AGO3: variants seen among roughly 807,000 people sequenced by gnomAD.
AGO3 encodes protein argonaute-3.
Under a neutral mutation model 105.5 loss-of-function variants are expected in AGO3, and 16 were observed. That is an observed-to-expected ratio of 0.15 (90% CI 0.10 to 0.23). The LOEUF (loss-of-function observed/expected upper bound fraction) is 0.23. Ranked by LOEUF, AGO3 falls within the 10% of genes least tolerant of loss-of-function variation. The probability of loss-of-function intolerance (pLI) is 1.00; values close to 1 mark genes in which losing one functional copy is unlikely to be tolerated. For synonymous variants in AGO3, 340 were observed against 367.3 expected (o/e 0.93, Z 0.85); for missense variants, 534 against 1,088.0 (o/e 0.49, Z 7.16).
chr1:36,036,167 T>A lies in AGO3; in HGVS notation c.1752-10T>A. On this transcript the variant is annotated splice_polypyrimidine_tract_variant and intron_variant, in intron 13 of 18. Coordinates refer to ENST00000373191, the MANE Select transcript of AGO3 (RefSeq NM_024852.4). ...TGAAATATCTAACCCTTTTTCAAAA[T>A]GTGTTTAAGACCTTCTGTGTTCCAG... 6.2e-7 allele frequency: 1 copy of A among 1,612,932 alleles called. No individual in the cohort carries two copies. Among genetic ancestry groups the A allele is most frequent in the Non-Finnish European group, 8.5e-7 (1 of 1,179,054 alleles).
chr1:36,015,751 A>G (rs976937746), intron 11 of AGO3, among the ~76,000 whole-genome samples: 3 of 152,250 alleles, frequency 2.0e-5, no homozygotes, highest in African/African-American at 4.8e-5. Context: ...CAGTTTAGGT[A>G]TAATTCCCAG....
rs1643089231 is a variant in AGO3, at chr1:36,066,178, G to A, written c.*10433G>A. The A allele has an allele frequency of 6.6e-6, 1 of 152,192 alleles. No homozygotes were observed. Among genetic ancestry groups the A allele is most frequent in the Non-Finnish European group, 1.5e-5 (1 of 68,050 alleles). 9.4% of individuals were successfully genotyped at this position (152,192 alleles called of 1,614,324 possible). On this transcript the variant is annotated 3_prime_UTR_variant, in exon 19 of 19. Coordinates refer to ENST00000373191, the MANE Select transcript of AGO3 (RefSeq NM_024852.4). Reference sequence around the variant, plus strand: ...TAAATTTTATTCTTTCCAAAAATTGGCGGTATGCTATCTATAATTTTATGT... The same window carrying A: ...TAAATTTTATTCTTTCCAAAAATTGACGGTATGCTATCTATAATTTTATGT...
At chr1:36,033,772 G>T (rs1310578389) in intron 12 of AGO3, among the ~76,000 whole-genome samples, 2 of 152,120 alleles carry the variant, frequency 1.3e-5, no homozygotes, top group African/African-American at 4.8e-5. Context: ...AAAGATAAGA[G>T]AATAGGATTG....
intron 2 of AGO3, among the ~76,000 whole-genome samples, chr1:35,950,052 C>G (rs950007500): frequency 3.3e-5 from 5 of 152,128 alleles, no homozygotes; most frequent in Non-Finnish European, 7.4e-5. Context: ...GAAACCCCGT[C>G]TCTACTAAAA....
intron 1 of AGO3, among the ~76,000 whole-genome samples, chr1:35,943,947 A>G (rs981876137): frequency 1.3e-5 from 2 of 152,110 alleles, no homozygotes; most frequent in Non-Finnish European, 2.9e-5. Context: ...ATCATGTTTT[A>G]GTGTGTGTCA....
chr1:35,979,921 T>C (rs1420791623), intron 5 of AGO3, among the ~76,000 whole-genome samples: 4 of 152,190 alleles, frequency 2.6e-5, no homozygotes, highest in Non-Finnish European at 5.9e-5. Flanking sequence ...CAGATATAGA[T>C]AGGAAGGACA....
intron 3 of AGO3, among the ~76,000 whole-genome samples, chr1:35,971,253 G>A (rs1221064962): frequency 6.7e-6 from 1 of 150,026 alleles, no homozygotes; most frequent in Non-Finnish European, 1.5e-5. Flanking sequence ...TCTGCCTCCT[G>A]AGTTCAAATG....
chr1:35,982,708 T>G (rs1192637820), intron 5 of AGO3: 1 of 715,404 alleles, frequency 1.4e-6, no homozygotes, highest in Non-Finnish European at 2.6e-6. Context: ...CAATCACTAG[T>G]TCAGGTAAGA....
At chr1:35,978,434 C>G (rs1211061141) in intron 5 of AGO3, among the ~76,000 whole-genome samples, 1 of 152,124 alleles carries the variant, frequency 6.6e-6, no homozygotes, top group Non-Finnish European at 1.5e-5. Context: ...TCAGGTGATC[C>G]GCCTCCCTCC....
At chr1:35,935,269 CTT>C (rs961959848) in intron 1 of AGO3, among the ~76,000 whole-genome samples, 4 of 152,098 alleles carry the variant, frequency 2.6e-5, no homozygotes, top group African/African-American at 9.7e-5. Context: ...TAAAAAAAGA[CTT>C]AAGGGAAAAG....
chr1:35,975,917 A>G (rs555675472), intron 5 of AGO3, among the ~76,000 whole-genome samples: 26 of 148,256 alleles, frequency 1.8e-4, no homozygotes, highest in South Asian at 4.3e-4. Flanking sequence ...AATTTTGCAC[A>G]TTTCTTTTTT....
At chr1:35,980,059 A>C (rs919997535) in intron 5 of AGO3, among the ~76,000 whole-genome samples, 1 of 152,138 alleles carries the variant, frequency 6.6e-6, no homozygotes, top group Non-Finnish European at 1.5e-5. Flanking sequence ...GGTAGTCCTC[A>C]TCTTAGGAAG....
intron 2 of AGO3, among the ~76,000 whole-genome samples, chr1:35,962,206 A>C (rs1294291905): frequency 1.3e-5 from 2 of 152,120 alleles, no homozygotes; most frequent in African/African-American, 4.8e-5. Flanking sequence ...ACTTAGAAAA[A>C]GTAGGGAAAC....
At chr1:36,017,759 C>T (rs1342760061) in intron 11 of AGO3, among the ~76,000 whole-genome samples, 5 of 151,728 alleles carry the variant, frequency 3.3e-5, no homozygotes, top group East Asian at 2.0e-4. Context: ...AAAAATAATC[C>T]GAGCACAGTG....
At position 36,036,161 on chromosome 1, in the gene AGO3, T is replaced by G. The variant is rs758768234; in HGVS notation, c.1752-16T>G. 6.2e-7 allele frequency: 1 copy of G among 1,612,348 alleles called. No individual in the cohort carries two copies. The highest frequency in any genetic ancestry group is 1.7e-5 in the Admixed American group (1 of 60,000). The stretch of plus-strand genomic sequence containing the variant: ...AAAAAATGAAATATCTAACCCTTTT[T>G]CAAAATGTGTTTAAGACCTTCTGTG... On this transcript the variant is annotated splice_polypyrimidine_tract_variant and intron_variant, in intron 13 of 18. Coordinates refer to ENST00000373191, the MANE Select transcript of AGO3 (RefSeq NM_024852.4).
chr1:35,931,923 G>T (rs1205197352), intron 1 of AGO3, among the ~76,000 whole-genome samples: 1 of 152,204 alleles, frequency 6.6e-6, no homozygotes, highest in African/African-American at 2.4e-5. Flanking sequence ...ACATGGCATT[G>T]CTCCTACCCT....
upstream of AGO3, chr1:35,931,031 A>AGAGGCGAGGC (rs1362457027): frequency 2.7e-6 from 1 of 372,130 alleles, no homozygotes; most frequent in South Asian, 1.3e-4. Context: ...CTCGGGGCCC[A>AGAGGCGAGGC]GAGGCGAGGC....
Position 35,944,544 on chromosome 1 carries a change from C to CTT in AGO3, c.20-1127_20-1126dup, listed in dbSNP as rs761797350. On this transcript the variant is annotated intron_variant, in intron 1 of 18. Coordinates refer to ENST00000373191, the MANE Select transcript of AGO3 (RefSeq NM_024852.4). ...GCCTAGATTTTATCAATTTTATTTA[C>CTT]TTTTTTTTTTTTTTTTTTTTTTGGT... Among the ~76,000 whole-genome samples the CTT allele has an allele frequency of 6.0e-3, 633 of 105,476 alleles. 8 individuals carry two copies. The highest frequency in any genetic ancestry group is 0.018 in the African/African-American group (467 of 25,258). The allele number at this position is 105,476 out of a possible 152,430, so 69.2% of individuals were successfully genotyped here.
At chr1:36,004,870 A>T (rs543971567) in intron 6 of AGO3, among the ~76,000 whole-genome samples, 1 of 152,240 alleles carries the variant, frequency 6.6e-6, no homozygotes, top group East Asian at 1.9e-4. Context: ...ATTTTTCTGA[A>T]ATGATAGTTA....
Sources: allele counts gnomAD v4.1 joint callset (sites outside exome capture counted in the v4.1 genomes callset), GRCh38; gene constraint gnomAD v4.1.1; transcripts MANE v1.5; gene names NCBI Gene and HGNC (gene_info 2026-07-23, HGNC 2026-07-21).